TBC1D23: variants seen among roughly 807,000 people sequenced by gnomAD.
The protein encoded by TBC1D23 is HCV non-structural protein 4A-transactivated protein 1.
Under a neutral mutation model 91.4 loss-of-function variants are expected in TBC1D23, and 55 were observed. The ratio of observed to expected loss-of-function variants is 0.60; its 90% CI spans 0.48 to 0.75. The LOEUF (loss-of-function observed/expected upper bound fraction) is 0.75. TBC1D23 is among the 30% of genes least tolerant of loss of function. The probability of loss-of-function intolerance (pLI) is 0.00; values close to 1 mark genes in which losing one functional copy is unlikely to be tolerated. For synonymous variants in TBC1D23, 289 were observed against 281.0 expected (o/e 1.03, Z -0.28); for missense variants, 725 against 836.1 (o/e 0.87, Z 1.64).
intron 1 of TBC1D23, among the ~76,000 whole-genome samples, chr3:100,273,721 C>T (rs1234863925): frequency 6.6e-6 from 1 of 152,112 alleles, no homozygotes; most frequent in African/African-American, 2.4e-5. Flanking sequence ...GACTGCACAC[C>T]TACAACTGTC....
chr3:100,285,652 G>A (rs1233208131), intron 4 of TBC1D23, among the ~76,000 whole-genome samples: 4 of 152,146 alleles, frequency 2.6e-5, no homozygotes, highest in East Asian at 1.9e-4. Context: ...TGGAATTGCC[G>A]GATTTTTCCA....
At chr3:100,274,998 C>A (rs1192560700) in intron 1 of TBC1D23, among the ~76,000 whole-genome samples, 2 of 147,118 alleles carry the variant, frequency 1.4e-5, no homozygotes, top group South Asian at 2.3e-4. Flanking sequence ...CATGTGTATA[C>A]AAAAGTCTCT....
chr3:100,316,190 G>A lies in TBC1D23; in HGVS notation c.1687+3G>A, dbSNP rs768122394. 7.5e-6 allele frequency: 12 copies of A among 1,606,862 alleles called. No homozygotes were observed. The Admixed American group carries it at 1.8e-4, about 25-fold the overall frequency. On this transcript the variant is annotated splice_donor_region_variant and intron_variant, in intron 16 of 18. Transcript: ENST00000394144. Reference sequence around the variant, plus strand: ...GGATGAAGAAGAATACGACACAGGTGTAGTAATACACTTAGCTACAGACAG... The same window carrying A: ...GGATGAAGAAGAATACGACACAGGTATAGTAATACACTTAGCTACAGACAG...
chr3:100,315,239 C>T (rs900584483), intron 15 of TBC1D23, among the ~76,000 whole-genome samples: 9 of 147,390 alleles, frequency 6.1e-5, no homozygotes, highest in Non-Finnish European at 8.9e-5. Context: ...CTTGGCTTAC[C>T]GCAACCTCTG....
chr3:100,315,154 C>CTTTTTTT (rs397705981), intron 15 of TBC1D23, among the ~76,000 whole-genome samples: 8 of 73,668 alleles, frequency 1.1e-4, no homozygotes, highest in Admixed American at 1.7e-4. Flanking sequence ...GAGGCAGATT[C>CTTTTTTT]TTTTTTTTTT....
In TBC1D23 at chr3:100,320,910, C is replaced by T. The variant is rs759287593; in HGVS notation, c.1957C>T (p.Leu653Phe). ...TACATCCAAAAAAAAACATCCTGAACTCATTACCTTCAAGTATGGAAATAG... is the reference window on the plus strand; with the variant it reads ...TACATCCAAAAAAAAACATCCTGAATTCATTACCTTCAAGTATGGAAATAG... Reference protein sequence around the residue: ...KITSKKKHPELITFKYGNSSA... With the variant: ...KITSKKKHPEFITFKYGNSSA... The change falls in exon 18 of 19, where the codon CTC (leucine) becomes TTC (phenylalanine). Residue 653 changes from leucine (L) to phenylalanine (F), a missense_variant. Leu to Phe is a conservative substitution (Grantham distance 22). Transcript: ENST00000394144. The T allele has an allele frequency of 6.2e-7, 1 of 1,611,760 alleles. No homozygotes were observed. Among genetic ancestry groups the T allele is most frequent in the Non-Finnish European group, 8.5e-7 (1 of 1,179,126 alleles).
Position 100,302,100 on chromosome 3 carries a change from G to A in TBC1D23, c.1126G>A (p.Val376Ile). 1.2e-6 allele frequency: 2 copies of A among 1,613,716 alleles called. No individual in the cohort carries two copies. The highest frequency in any genetic ancestry group is 1.7e-6 in the Non-Finnish European group (2 of 1,179,836). Reference sequence around the variant, plus strand: ...GAATCCATCTGAGTTTGCACAGTCAGTAAAATCCTTGCTGGAAGCACAGAA... The same window carrying A: ...GAATCCATCTGAGTTTGCACAGTCAATAAAATCCTTGCTGGAAGCACAGAA... ...LQNPSEFAQS[V>I]KSLLEAQKQS... Residue 376 changes from valine to isoleucine, a missense_variant, in exon 11 of 19, where the codon GTA becomes ATA. Val to Ile is a conservative substitution (Grantham distance 29). Transcript: ENST00000394144.
At position 100,324,587 on chromosome 3, in the gene TBC1D23, GTCA is replaced by G. The variant is rs1369541971; in HGVS notation, c.*924_*926del. ...GAGCTTATAAAGTACAATTGTTTTTGTCATCATTTTCTGAATTTCTTTCTCTTC... is the reference window on the plus strand; with the variant it reads ...GAGCTTATAAAGTACAATTGTTTTTGTCATTTTCTGAATTTCTTTCTCTTC... On this transcript the variant is annotated 3_prime_UTR_variant, in exon 19 of 19. Coordinates refer to ENST00000394144, the MANE Select transcript of TBC1D23 (RefSeq NM_001199198.3). The G allele has an allele frequency of 1.3e-5, 2 of 152,102 alleles. No individual in the cohort carries two copies. The highest frequency in any genetic ancestry group is 4.8e-5 in the African/African-American group (2 of 41,442). 9.4% of individuals were successfully genotyped at this position (152,102 alleles called of 1,614,324 possible). A position where few individuals can be genotyped will look rare whatever the true frequency, so the allele number is the denominator to read the frequency against.
In TBC1D23 at chr3:100,316,099, G is replaced by A. The variant is rs1705739439; in HGVS notation, c.1599G>A (p.Arg533=). 6.2e-7 allele frequency: 1 copy of A among 1,611,060 alleles called. No individual in the cohort carries two copies. The highest frequency in any genetic ancestry group is 1.1e-5 in the South Asian group (1 of 90,984). Residue 533 remains arginine (R), a splice_region_variant and synonymous_variant, in exon 16 of 19, where the codon CGG becomes CGA. Transcript: ENST00000394144. The part of the protein sequence containing the change: ...LPWPDRSCTE[R]HVSSSDRVGK... ...CTCTCCTAAAATTCTTTGAATATAG[G>A]CATGTGAGCAGCAGTGACAGAGTGG...
In TBC1D23 at chr3:100,302,127, C is replaced by T; in HGVS notation, c.1153C>T (p.Gln385Ter). 4 of 1,613,866 alleles carry T rather than the reference C, an allele frequency of 2.5e-6. No individual in the cohort carries two copies. The highest frequency in any genetic ancestry group is 3.4e-6 in the Non-Finnish European group (4 of 1,179,818). ...SVKSLLEAQK[Q>*]SIESGSIAGG... ...AAAATCCTTGCTGGAAGCACAGAAG[C>T]AGTCCATTGAGTCTGGCTCCATAGC... is the stretch of plus-strand genomic sequence containing the variant. Residue 385 changes from glutamine (Q) to a stop codon, truncating the protein, a stop_gained, in exon 11 of 19, where the codon CAG becomes TAG. Transcript: ENST00000394144. LOFTEE classifies it high-confidence loss of function.
intron 4 of TBC1D23, among the ~76,000 whole-genome samples, chr3:100,284,938 A>C (rs1228325432): frequency 6.6e-6 from 1 of 152,144 alleles, no homozygotes; most frequent in Non-Finnish European, 1.5e-5. Flanking sequence ...CTTACTAATT[A>C]ATTTCAGCGT....
chr3:100,321,205 G>T (rs1226733313), intron 18 of TBC1D23, among the ~76,000 whole-genome samples: 1 of 152,190 alleles, frequency 6.6e-6, no homozygotes, highest in Non-Finnish European at 1.5e-5. Context: ...TCTGACCCAA[G>T]GATCCTTATT....
At chr3:100,271,599 G>GTTTGT (rs1382169672) in intron 1 of TBC1D23, among the ~76,000 whole-genome samples, 1 of 152,128 alleles carries the variant, frequency 6.6e-6, no homozygotes, top group Non-Finnish European at 1.5e-5. Context: ...AGTTGCTTAT[G>GTTTGT]TTTGTTTGTT....
chr3:100,281,460 T>TA (rs34909058), intron 2 of TBC1D23, among the ~76,000 whole-genome samples: 4 of 152,198 alleles, frequency 2.6e-5, no homozygotes, highest in Admixed American at 2.6e-4. Flanking sequence ...GTTTTTACAT[T>TA]AAAAAAATTG....
chr3:100,322,071 T>C (rs951209941), intron 18 of TBC1D23, among the ~76,000 whole-genome samples: 23 of 151,316 alleles, frequency 1.5e-4, no homozygotes, highest in African/African-American at 4.6e-4. Context: ...TATACTTACA[T>C]TTTAATAAAT....
chr3:100,285,913 C>T (rs922131561), intron 4 of TBC1D23, among the ~76,000 whole-genome samples: 1 of 151,732 alleles, frequency 6.6e-6, no homozygotes, highest in Non-Finnish European at 1.5e-5. Flanking sequence ...CATACTGGTC[C>T]CTAGAGTTTT....
chr3:100,319,578 G>A (rs928131230), intron 17 of TBC1D23, among the ~76,000 whole-genome samples: 5 of 151,940 alleles, frequency 3.3e-5, no homozygotes, highest in African/African-American at 7.3e-5. Flanking sequence ...ACAGGCATGC[G>A]CCACCACCCC....
At chr3:100,272,611 G>C (rs1032367346) in intron 1 of TBC1D23, among the ~76,000 whole-genome samples, 3 of 152,176 alleles carry the variant, frequency 2.0e-5, no homozygotes, top group Admixed American at 2.0e-4. Flanking sequence ...GGGACCCAGG[G>C]AACCAGCGTT....
rs750121150 is a variant in TBC1D23 at position 100,324,824 on chromosome 3, C to G, written c.*1156C>G. Reference sequence around the variant, plus strand: ...TTTGTAAAATCCATTTGGGAAGTTGCAATACCCACAATCTGACATGTCCTA... The same window carrying G: ...TTTGTAAAATCCATTTGGGAAGTTGGAATACCCACAATCTGACATGTCCTA... On this transcript the variant is annotated 3_prime_UTR_variant, in exon 19 of 19. Transcript: ENST00000394144. 1 of 152,152 alleles carries G rather than the reference C, an allele frequency of 6.6e-6. No individual in the cohort carries two copies. The highest frequency in any genetic ancestry group is 6.5e-5 in the Admixed American group (1 of 15,276). 9.4% of individuals were successfully genotyped at this position (152,152 alleles called of 1,614,324 possible). A position where few individuals can be genotyped will look rare whatever the true frequency, so the allele number is the denominator to read the frequency against.
Sources: allele counts gnomAD v4.1 joint callset (sites outside exome capture counted in the v4.1 genomes callset), GRCh38; gene constraint gnomAD v4.1.1; transcripts MANE v1.5; gene names NCBI Gene and HGNC (gene_info 2026-07-23, HGNC 2026-07-21).